Variants in PPM1D observed in about 807,000 individuals in gnomAD.
The protein encoded by PPM1D is protein phosphatase 1D.
In PPM1D, 52 loss-of-function variants were observed where a neutral mutation model predicts 58.3. That is an observed-to-expected ratio of 0.89 (90% confidence interval 0.71 to 1.12). The LOEUF is 1.12. Ranked by LOEUF, PPM1D falls within the 50% of genes most tolerant of loss-of-function variation. The pLI, the probability that PPM1D is intolerant of heterozygous loss-of-function variation, is 0.00. For synonymous variants in PPM1D, 278 were observed against 285.1 expected, an observed-to-expected ratio of 0.98 and a Z score of 0.25; for missense variants, 564 against 777.2, an observed-to-expected ratio of 0.73 and a Z score of 3.26.
intron 1 of PPM1D, among the ~76,000 whole-genome samples, chr17:60,605,258 G>A (rs2143618326): frequency 6.6e-6 from 1 of 152,294 alleles, no homozygotes. Context: ...TCTACCATCA[G>A]TACAAATGTC....
intron 4 of PPM1D, among the ~76,000 whole-genome samples, chr17:60,653,795 G>A (rs901466932): frequency 1.3e-5 from 2 of 152,192 alleles, no homozygotes; most frequent in Admixed American, 1.3e-4. Context: ...TGTACCTATT[G>A]GAAATAGGAT....
chr17:60,601,567 C>G (rs1321706289), intron 1 of PPM1D, among the ~76,000 whole-genome samples: 2 of 152,032 alleles, frequency 1.3e-5, no homozygotes, highest in Non-Finnish European at 2.9e-5. Flanking sequence ...TAAGGGTGTG[C>G]GTTAGATTCT....
intron 3 of PPM1D, among the ~76,000 whole-genome samples, chr17:60,646,787 T>C (rs1346943104): frequency 1.3e-5 from 2 of 152,234 alleles, no homozygotes; most frequent in Non-Finnish European, 2.9e-5. Context: ...GGCATTGTTT[T>C]TATGTGGAGC....
chr17:60,610,634 C>T (rs1378348638), intron 1 of PPM1D, among the ~76,000 whole-genome samples: 2 of 152,200 alleles, frequency 1.3e-5, no homozygotes, highest in African/African-American at 4.8e-5. Flanking sequence ...TTTATTGGAG[C>T]ACTGCCAAGA....
intron 4 of PPM1D, among the ~76,000 whole-genome samples, chr17:60,649,808 G>T (rs1048807110): frequency 2.0e-5 from 3 of 152,112 alleles, no homozygotes; most frequent in African/African-American, 7.2e-5. Flanking sequence ...ATTATAAATA[G>T]AATATATAAA....
intron 3 of PPM1D, among the ~76,000 whole-genome samples, chr17:60,642,314 C>CTA (rs901292471): frequency 2.2e-5 from 3 of 139,514 alleles, no homozygotes; most frequent in Admixed American, 7.2e-5. Context: ...ATCTGTAAGT[C>CTA]TATATAGAGA....
intron 1 of PPM1D, among the ~76,000 whole-genome samples, chr17:60,616,304 G>A (rs62082133): frequency 6.6e-6 from 1 of 150,878 alleles, no homozygotes; most frequent in South Asian, 2.1e-4. Context: ...AAAAAAAAAG[G>A]AAAACTAAAA....
intron 2 of PPM1D, 149 bp downstream of exon 2, chr17:60,623,898 T>C: frequency 1.4e-6 from 1 of 715,156 alleles, no homozygotes; most frequent in Non-Finnish European, 2.2e-6. Context: ...AATACTCATG[T>C]ATGTATGTTC....
At position 60,600,341 on chromosome 17, in the gene PPM1D, C is replaced by A. The variant is rs937071637; in HGVS notation, c.-74C>A. 48 of 1,511,974 alleles carry A rather than the reference C, an allele frequency of 3.2e-5. No individual in the cohort carries two copies. In the African/African-American group the frequency reaches 4.9e-4, roughly 15 times the overall value. The allele number at this position is 1,511,974 out of a possible 1,614,324, so 93.7% of individuals were successfully genotyped here. On this transcript the variant is annotated 5_prime_UTR_variant, in exon 1 of 6. Coordinates refer to ENST00000305921, the MANE Select transcript of PPM1D (RefSeq NM_003620.4). ...TCGAAGATAAACAATAGTTGGCCGG[C>A]GAGCGCCTAGTGTGTCTCCCGCCGC...
intron 1 of PPM1D, among the ~76,000 whole-genome samples, chr17:60,618,817 A>G (rs2030637204): frequency 6.6e-6 from 1 of 152,180 alleles, no homozygotes; most frequent in African/African-American, 2.4e-5. Flanking sequence ...AGATGATTTT[A>G]TGTATGTATA....
At chr17:60,652,925 G>A (rs534736371) in intron 4 of PPM1D, among the ~76,000 whole-genome samples, 43 of 152,168 alleles carry the variant, frequency 2.8e-4, no homozygotes, top group African/African-American at 1.0e-3. Context: ...TTGTCAGATG[G>A]ATAGTTTGCA....
intron 5 of PPM1D, among the ~76,000 whole-genome samples, chr17:60,659,146 A>G (rs2031488260): frequency 6.6e-6 from 1 of 152,204 alleles, no homozygotes; most frequent in Admixed American, 6.5e-5. Flanking sequence ...ACAACTAACA[A>G]AAGACAGATT....
At chr17:60,645,390 G>A (rs1160798278) in intron 3 of PPM1D, among the ~76,000 whole-genome samples, 2 of 150,244 alleles carry the variant, frequency 1.3e-5, no homozygotes, top group Admixed American at 6.7e-5. Flanking sequence ...CTAGTGATTT[G>A]GAAGTTGTCA....
chr17:60,614,595 C>T (rs574678451), intron 1 of PPM1D, among the ~76,000 whole-genome samples: 16 of 152,192 alleles, frequency 1.1e-4, no homozygotes, highest in Non-Finnish European at 1.9e-4. Flanking sequence ...GCTTCCACAC[C>T]GTGGAAGCTT....
intron 2 of PPM1D, among the ~76,000 whole-genome samples, chr17:60,630,074 G>A (rs954482502): frequency 1.3e-5 from 2 of 151,872 alleles, no homozygotes; most frequent in Admixed American, 6.6e-5. Flanking sequence ...AGCTGGCTGC[G>A]GCACTTGTAA....
intron 3 of PPM1D, among the ~76,000 whole-genome samples, chr17:60,647,509 A>C (rs1250699741): frequency 2.0e-5 from 3 of 152,078 alleles, no homozygotes; most frequent in Admixed American, 6.6e-5. Context: ...AAATAATATT[A>C]GTATTATTTT....
At chr17:60,643,665 T>C (rs950744718) in intron 3 of PPM1D, among the ~76,000 whole-genome samples, 1 of 152,070 alleles carries the variant, frequency 6.6e-6, no homozygotes, top group African/African-American at 2.4e-5. Context: ...GATAGCACTT[T>C]AACCAAATGA....
chr17:60,622,972 C>T (rs987664684), intron 1 of PPM1D, among the ~76,000 whole-genome samples: 6 of 152,102 alleles, frequency 3.9e-5, no homozygotes, highest in Non-Finnish European at 8.8e-5. Context: ...TGGCAGGCGC[C>T]TGTAATACCA....
At chr17:60,622,414 G>T (rs767967404) in intron 1 of PPM1D, among the ~76,000 whole-genome samples, 2 of 152,082 alleles carry the variant, frequency 1.3e-5, no homozygotes, top group Non-Finnish European at 2.9e-5. Flanking sequence ...GATTTTGGTG[G>T]GGAGAATATG....
Sources: gnomAD v4.1 joint callset for allele counts (sites outside exome capture counted in the v4.1 genomes callset) on GRCh38, gnomAD v4.1.1 for gene constraint, MANE v1.5 for transcripts, NCBI Gene and HGNC (gene_info 2026-07-23, HGNC 2026-07-21) for gene names.